HCN1: variants seen among roughly 807,000 people sequenced by gnomAD.
HCN1 encodes hyperpolarization activated cyclic nucleotide gated potassium channel 1, also known as potassium/sodium hyperpolarization-activated cyclic nucleotide-gated channel 1.
In HCN1, 13 loss-of-function variants were observed where a neutral mutation model predicts 78.9. The ratio of observed to expected loss-of-function variants is 0.16; its 90% CI spans 0.11 to 0.26. The LOEUF is 0.26. HCN1 is among the 10% of genes least tolerant of loss of function. HCN1 has a pLI of 1.00. For synonymous variants in HCN1, 552 were observed against 455.5 expected, an observed-to-expected ratio of 1.21 and a Z score of -2.70; for missense variants, 810 against 1,154.3, an observed-to-expected ratio of 0.70 and a Z score of 4.32.
At chr5:45,482,470 G>T (rs1741674238) in intron 2 of HCN1, among the ~76,000 whole-genome samples, 1 of 152,184 alleles carries the variant, frequency 6.6e-6, no homozygotes, top group South Asian at 2.1e-4. Context: ...ATGAAAGAAA[G>T]AAAAATAGCA....
At chr5:45,375,200 AT>A (rs1481327016) in intron 4 of HCN1, among the ~76,000 whole-genome samples, 337 of 117,292 alleles carry the variant, frequency 2.9e-3, no homozygotes, top group Non-Finnish European at 4.8e-3. Flanking sequence ...ATATAATATA[AT>A]ATTTTATAAT....
At chr5:45,682,551 C>G (rs1223142261) in intron 1 of HCN1, among the ~76,000 whole-genome samples, 1 of 151,344 alleles carries the variant, frequency 6.6e-6, no homozygotes, top group Non-Finnish European at 1.5e-5. Flanking sequence ...TTTATTTTTT[C>G]AAATTTATTA....
At chr5:45,348,532 TA>T (rs1297210610) in intron 5 of HCN1, among the ~76,000 whole-genome samples, 3 of 152,192 alleles carry the variant, frequency 2.0e-5, no homozygotes, top group Non-Finnish European at 2.9e-5. Context: ...ACTTTAAATG[TA>T]AATGGACTAA....
At chr5:45,450,694 A>G (rs1442505855) in intron 3 of HCN1, among the ~76,000 whole-genome samples, 1 of 152,206 alleles carries the variant, frequency 6.6e-6, no homozygotes, top group African/African-American at 2.4e-5. Context: ...TTGTAATAGT[A>G]GTTGGTAGAA....
chr5:45,261,761 TA>T lies in HCN1; in HGVS notation c.*159del. On this transcript the variant is annotated 3_prime_UTR_variant, in exon 8 of 8. Coordinates refer to ENST00000303230, the MANE Select transcript of HCN1 (RefSeq NM_021072.4). ...GAATTTAGATATATATTTTATAGTATATGTATATATATTTTTACATTTCACG... is the reference window on the plus strand; with the variant it reads ...GAATTTAGATATATATTTTATAGTATTGTATATATATTTTTACATTTCACG... 1 of 769,170 alleles carries T rather than the reference TA, an allele frequency of 1.3e-6. No homozygotes were observed. Among genetic ancestry groups the T allele is most frequent in the Non-Finnish European group, 2.1e-6 (1 of 469,044 alleles). 47.6% of individuals were successfully genotyped at this position (769,170 alleles called of 1,614,324 possible).
chr5:45,373,202 T>A (rs1403673284), intron 4 of HCN1, among the ~76,000 whole-genome samples: 2 of 123,026 alleles, frequency 1.6e-5, no homozygotes, highest in Non-Finnish European at 1.6e-5. Context: ...ATTTTATATA[T>A]TTTATATATG....
rs921724717 is a variant in HCN1 at position 45,328,424 on chromosome 5, T to A, written c.1378-24585A>T. Among the ~76,000 whole-genome samples the A allele has an allele frequency of 4.6e-5, 7 of 151,710 alleles. 1 individual carries two copies. The East Asian group carries it at 1.4e-3, about 30-fold the overall frequency. ...ATATACGAATGACCAGCATCACTAC[T>A]GATGTGCTTTGGGGAAACTTAATTA... On this transcript the variant is annotated intron_variant, in intron 5 of 7. Transcript: ENST00000303230.
chr5:45,428,246 G>A (rs565024762), intron 3 of HCN1, among the ~76,000 whole-genome samples: 1 of 152,044 alleles, frequency 6.6e-6, no homozygotes, highest in East Asian at 1.9e-4. Context: ...TGAAACAATT[G>A]ATATATTGTA....
At chr5:45,389,756 G>A (rs919130094) in intron 4 of HCN1, among the ~76,000 whole-genome samples, 3 of 152,092 alleles carry the variant, frequency 2.0e-5, no homozygotes, top group Non-Finnish European at 4.4e-5. Flanking sequence ...TCAAATTCCT[G>A]CTTAACATAT....
At chr5:45,263,502 C>G (rs1437274762) in intron 7 of HCN1, among the ~76,000 whole-genome samples, 2 of 152,184 alleles carry the variant, frequency 1.3e-5, no homozygotes, top group Admixed American at 1.3e-4. Flanking sequence ...GGGCCTGACC[C>G]CACTTGCTGA....
chr5:45,270,509 C>T (rs1233260179), intron 6 of HCN1, among the ~76,000 whole-genome samples: 5 of 152,164 alleles, frequency 3.3e-5, no homozygotes, highest in African/African-American at 1.2e-4. Context: ...TGGCACTTCA[C>T]TCATATCAAA....
chr5:45,539,919 GATATATATATATATAT>G (rs66934051), intron 2 of HCN1, among the ~76,000 whole-genome samples: 5,100 of 125,998 alleles, frequency 0.04, 138 homozygotes, highest in Admixed American at 0.054. Context: ...TAAATTGTGA[GATATATATATATATAT>G]ATATATATAT....
chr5:45,672,568 A>G (rs1345949053), intron 1 of HCN1, among the ~76,000 whole-genome samples: 1 of 119,226 alleles, frequency 8.4e-6, no homozygotes, highest in Admixed American at 8.5e-5. Context: ...CGAATTAAGT[A>G]AAAAAAAAAA....
In HCN1 at chr5:45,550,392, A is replaced by G. The variant is rs1579963880; in HGVS notation, c.850-88385T>C. ...ACCATCATTCTCAGCAAACTATCGC[A>G]AGGACAAGAAACCAAACACCACATG... On this transcript the variant is annotated intron_variant, in intron 2 of 7. Coordinates refer to ENST00000303230, the MANE Select transcript of HCN1 (RefSeq NM_021072.4). 4.6e-5 allele frequency among the ~76,000 whole-genome samples: 7 copies of G among 152,286 alleles called. 1 individual carries two copies. Among genetic ancestry groups the G allele is most frequent in the Admixed American group, 2.6e-4 (4 of 15,286 alleles).
intron 1 of HCN1, among the ~76,000 whole-genome samples, chr5:45,678,167 G>T (rs1045501701): frequency 6.6e-6 from 1 of 151,806 alleles, no homozygotes; most frequent in Non-Finnish European, 1.5e-5. Context: ...GGCTACTTAT[G>T]AAATAATTAT....
At chr5:45,605,884 T>TC (rs1744719341) in intron 2 of HCN1, among the ~76,000 whole-genome samples, 1 of 151,990 alleles carries the variant, frequency 6.6e-6, no homozygotes, top group Non-Finnish European at 1.5e-5. Flanking sequence ...GTGAGAGAAA[T>TC]TAATACATCT....
At chr5:45,608,530 T>G (rs1047522020) in intron 2 of HCN1, among the ~76,000 whole-genome samples, 3 of 151,946 alleles carry the variant, frequency 2.0e-5, no homozygotes, top group African/African-American at 4.8e-5. Context: ...AAGGCTACAG[T>G]AATTAAGTTA....
chr5:45,373,589 A>G (rs944420510), intron 4 of HCN1, among the ~76,000 whole-genome samples: 3 of 140,170 alleles, frequency 2.1e-5, no homozygotes, highest in African/African-American at 5.2e-5. Flanking sequence ...TCTATAATAT[A>G]TTACATACGG....
At chr5:45,330,077 C>A (rs1448232453) in intron 5 of HCN1, among the ~76,000 whole-genome samples, 2 of 151,348 alleles carry the variant, frequency 1.3e-5, no homozygotes, top group Non-Finnish European at 3.0e-5. Context: ...GCCCCTTACA[C>A]AATTTTCTCA....
Sources: allele counts gnomAD v4.1 joint callset (sites outside exome capture counted in the v4.1 genomes callset), GRCh38; gene constraint gnomAD v4.1.1; transcripts MANE v1.5; gene names NCBI Gene and HGNC (gene_info 2026-07-23, HGNC 2026-07-21).